Variants in KCNB2 observed in about 807,000 individuals in gnomAD.
KCNB2 encodes potassium voltage-gated channel subfamily B member 2.
In KCNB2, 15 loss-of-function variants were observed where a neutral mutation model predicts 61.5. The observed-to-expected ratio is 0.24, with a 90% CI of 0.16 to 0.38. KCNB2 has a LOEUF of 0.38. Among genes scored for constraint, KCNB2 ranks in the 10% least tolerant of loss-of-function variants. The pLI, the probability that KCNB2 is intolerant of heterozygous loss-of-function variation, is 1.00. For synonymous variants in KCNB2, 457 were observed against 446.0 expected, an observed-to-expected ratio of 1.02 and a Z score of -0.31; for missense variants, 828 against 1,125.2, an observed-to-expected ratio of 0.74 and a Z score of 3.78.
Position 72,839,231 on chromosome 8 carries a change from T to C in KCNB2, c.580-96704T>C, listed in dbSNP as rs1809835188. On this transcript the variant is annotated intron_variant, in intron 2 of 2. Transcript: ENST00000523207. ...ATTCTGTAATAAATATTTTCTACATTTCTATGTAGTCTTATTTTTAATATT... is the reference window on the plus strand; with the variant it reads ...ATTCTGTAATAAATATTTTCTACATCTCTATGTAGTCTTATTTTTAATATT... Among the ~76,000 whole-genome samples, 3 of 152,360 alleles carry C rather than the reference T, an allele frequency of 2.0e-5. No individual in the cohort carries two copies. The South Asian group carries it at 6.2e-4, about 32-fold the overall frequency.
At chr8:72,710,144 T>G (rs1026937865) in intron 2 of KCNB2, among the ~76,000 whole-genome samples, 2 of 152,170 alleles carry the variant, frequency 1.3e-5, no homozygotes, top group Non-Finnish European at 2.9e-5. Flanking sequence ...AGCTGGCAGA[T>G]ATTTTAGGGA....
chr8:72,722,077 A>G (rs1807558497), intron 2 of KCNB2, among the ~76,000 whole-genome samples: 1 of 152,244 alleles, frequency 6.6e-6, no homozygotes, highest in Non-Finnish European at 1.5e-5. Flanking sequence ...CCCTTGCCAC[A>G]TCTATGAAAG....
intron 2 of KCNB2, among the ~76,000 whole-genome samples, chr8:72,830,455 T>C (rs1019314647): frequency 6.6e-6 from 1 of 152,160 alleles, no homozygotes; most frequent in Non-Finnish European, 1.5e-5. Flanking sequence ...TTGGACATCA[T>C]ATACTAAATA....
chr8:72,574,240 G>A (rs565144580), intron 2 of KCNB2, among the ~76,000 whole-genome samples: 8 of 152,238 alleles, frequency 5.3e-5, no homozygotes, highest in African/African-American at 1.4e-4. Context: ...CTGCTTTCCC[G>A]GAAAGGCTGC....
At chr8:72,863,213 G>A (rs1805448620) in intron 2 of KCNB2, among the ~76,000 whole-genome samples, 1 of 152,158 alleles carries the variant, frequency 6.6e-6, no homozygotes, top group African/African-American at 2.4e-5. Flanking sequence ...TATGTAAACA[G>A]CACTCCTACA....
At chr8:72,830,901 G>GAGAT in intron 2 of KCNB2, among the ~76,000 whole-genome samples, 1 of 152,348 alleles carries the variant, frequency 6.6e-6, no homozygotes, top group African/African-American at 2.4e-5. Context: ...GGAGGAGATT[G>GAGAT]AGATAGTCTG....
At chr8:72,872,754 A>G (rs1805639978) in intron 2 of KCNB2, among the ~76,000 whole-genome samples, 1 of 152,232 alleles carries the variant, frequency 6.6e-6, no homozygotes, top group Non-Finnish European at 1.5e-5. Context: ...AGCTGCTCTC[A>G]TTAGGATAAA....
chr8:72,659,261 G>C, intron 2 of KCNB2, among the ~76,000 whole-genome samples: 1 of 152,164 alleles, frequency 6.6e-6, no homozygotes. Flanking sequence ...TGGAGGAAGT[G>C]ACTGCAAATG....
intron 2 of KCNB2, among the ~76,000 whole-genome samples, chr8:72,774,518 T>G (rs1388698539): frequency 1.3e-5 from 2 of 152,024 alleles, no homozygotes; most frequent in African/African-American, 4.8e-5. Flanking sequence ...CCTGGCTAAT[T>G]TTTGTATTTT....
chr8:72,849,014 A>T lies in KCNB2; in HGVS notation c.580-86921A>T, dbSNP rs182925296. 3.3e-3 allele frequency among the ~76,000 whole-genome samples: 497 copies of T among 150,244 alleles called. 3 individuals carry two copies. The highest frequency in any genetic ancestry group is 5.3e-3 in the Non-Finnish European group (361 of 67,608). ...TTTAAGTATTTTCATCATCTTTAACATTATATAATGTATATATGCTATATT... is the reference window on the plus strand; with the variant it reads ...TTTAAGTATTTTCATCATCTTTAACTTTATATAATGTATATATGCTATATT... On this transcript the variant is annotated intron_variant, in intron 2 of 2. Transcript: ENST00000523207.
chr8:72,624,766 A>G (rs1585791931), intron 2 of KCNB2, among the ~76,000 whole-genome samples: 1 of 152,176 alleles, frequency 6.6e-6, no homozygotes, highest in African/African-American at 2.4e-5. Context: ...AAAACAACAG[A>G]GTAGGGCAAA....
chr8:72,819,218 C>A (rs1329910059), intron 2 of KCNB2, among the ~76,000 whole-genome samples: 1 of 151,612 alleles, frequency 6.6e-6, no homozygotes, highest in African/African-American at 2.4e-5. Context: ...GCTCTGCTTT[C>A]TAAAAAAAAA....
intron 2 of KCNB2, among the ~76,000 whole-genome samples, chr8:72,748,517 G>A (rs1364431412): frequency 6.6e-6 from 1 of 151,714 alleles, no homozygotes; most frequent in Non-Finnish European, 1.5e-5. Context: ...GAGGGGAAGG[G>A]TCTTAGAGAA....
At chr8:72,675,086 A>G (rs1806629941) in intron 2 of KCNB2, among the ~76,000 whole-genome samples, 1 of 152,340 alleles carries the variant, frequency 6.6e-6, no homozygotes. Flanking sequence ...AGAAATGACT[A>G]ATGGGGCTAC....
intron 2 of KCNB2, among the ~76,000 whole-genome samples, chr8:72,616,971 A>C (rs1029747382): frequency 6.6e-6 from 1 of 152,062 alleles, no homozygotes; most frequent in African/African-American, 2.4e-5. Flanking sequence ...GGCTTCCACA[A>C]TTCCTCTCTC....
At chr8:72,598,218 C>A (rs568602830) in intron 2 of KCNB2, among the ~76,000 whole-genome samples, 1 of 152,048 alleles carries the variant, frequency 6.6e-6, no homozygotes, top group South Asian at 2.1e-4. Flanking sequence ...ACTGGCAAAC[C>A]GAATCCAGCA....
intron 2 of KCNB2, among the ~76,000 whole-genome samples, chr8:72,882,361 G>A (rs1403484382): frequency 6.6e-6 from 1 of 152,204 alleles, no homozygotes; most frequent in Admixed American, 6.5e-5. Context: ...GAAGTGGGAG[G>A]AGACTGTGAA....
chr8:72,902,977 C>T (rs930451388), intron 2 of KCNB2, among the ~76,000 whole-genome samples: 1 of 152,180 alleles, frequency 6.6e-6, no homozygotes, highest in Non-Finnish European at 1.5e-5. Flanking sequence ...ACTGATTTAT[C>T]TTCAGAAATA....
At chr8:72,555,705 A>G (rs1372754887) in intron 1 of KCNB2, among the ~76,000 whole-genome samples, 1 of 151,842 alleles carries the variant, frequency 6.6e-6, no homozygotes, top group Non-Finnish European at 1.5e-5. Flanking sequence ...TAAAAAGATT[A>G]AAGCCTCTTT....
Sources: allele counts gnomAD v4.1 joint callset (sites outside exome capture counted in the v4.1 genomes callset), GRCh38; gene constraint gnomAD v4.1.1; transcripts MANE v1.5; gene names NCBI Gene and HGNC (gene_info 2026-07-23, HGNC 2026-07-21).